RELCH: variants seen among roughly 807,000 people sequenced by gnomAD.
The protein encoded by RELCH is RAB11 binding and LisH domain, coiled-coil and HEAT repeat containing.
Under a neutral mutation model 150.3 loss-of-function variants are expected in RELCH, and 41 were observed. The observed-to-expected ratio is 0.27, with a 90% CI of 0.21 to 0.35. The LOEUF (loss-of-function observed/expected upper bound fraction) is 0.35. RELCH is among the 10% of genes least tolerant of loss of function. The probability of loss-of-function intolerance (pLI) is 1.00; values close to 1 mark genes in which losing one functional copy is unlikely to be tolerated. For synonymous variants in RELCH, 478 were observed against 531.8 expected (o/e 0.90, Z 1.39); for missense variants, 1,092 against 1,467.8 (o/e 0.74, Z 4.18).
intron 2 of RELCH, among the ~76,000 whole-genome samples, chr18:62,215,963 T>A (rs1345815538): frequency 6.6e-6 from 1 of 152,188 alleles, no homozygotes; most frequent in Non-Finnish European, 1.5e-5. Flanking sequence ...GAAGCATACA[T>A]TTTTATATAA....
intron 13 of RELCH, among the ~76,000 whole-genome samples, chr18:62,255,816 A>G (rs1401715031): frequency 6.6e-6 from 1 of 152,012 alleles, no homozygotes; most frequent in Admixed American, 6.6e-5. Flanking sequence ...TGTCTCTTTC[A>G]CTGTGTTGAA....
intron 20 of RELCH, 36 bp from the exon 21 acceptor site, chr18:62,273,944 G>T: frequency 7.8e-7 from 1 of 1,282,078 alleles, no homozygotes; most frequent in East Asian, 2.3e-5. Context: ...CTACTTGATT[G>T]TTTGGAAATT....
Position 62,258,631 on chromosome 18 carries a change from T to C in RELCH, c.2157T>C (p.Ser719=). 6.3e-7 allele frequency: 1 copy of C among 1,598,076 alleles called. No homozygotes were observed. Among genetic ancestry groups the C allele is most frequent in the Non-Finnish European group, 8.5e-7 (1 of 1,175,298 alleles). Residue 719 remains serine (S), a synonymous_variant, in exon 15 of 29, where the codon TCT becomes TCC. Transcript: ENST00000644646. The part of the protein sequence containing the change: ...AWTTELGNLQ[S]HLILTLLNKI... ...CTACAGAACTTGGAAATTTACAGTC[T>C]CATCTTATACTTACACTACTGAACA...
At chr18:62,243,050 G>C (rs2042229262) in intron 10 of RELCH, among the ~76,000 whole-genome samples, 1 of 152,052 alleles carries the variant, frequency 6.6e-6, no homozygotes, top group Non-Finnish European at 1.5e-5. Flanking sequence ...TGGTTTTCAG[G>C]CATTAGAATA....
intron 25 of RELCH, among the ~76,000 whole-genome samples, chr18:62,286,545 G>C (rs758851438): frequency 2.0e-5 from 3 of 152,000 alleles, no homozygotes; most frequent in Non-Finnish European, 4.4e-5. Flanking sequence ...TTGGTCAGCA[G>C]TTGATGCTTA....
intron 10 of RELCH, among the ~76,000 whole-genome samples, chr18:62,233,539 G>C (rs1000441239): frequency 1.3e-5 from 2 of 151,920 alleles, no homozygotes; most frequent in Non-Finnish European, 2.9e-5. Flanking sequence ...GTTTTCCACT[G>C]ATGGCTTTAT....
intron 28 of RELCH, among the ~76,000 whole-genome samples, chr18:62,304,837 A>C (rs1304662645): frequency 6.6e-6 from 1 of 152,246 alleles, no homozygotes; most frequent in Non-Finnish European, 1.5e-5. Flanking sequence ...AAATCAATGC[A>C]ACTGGCAATT....
At chr18:62,252,343 C>T (rs940008817) in intron 11 of RELCH, among the ~76,000 whole-genome samples, 10 of 151,598 alleles carry the variant, frequency 6.6e-5, no homozygotes, top group African/African-American at 2.2e-4. Flanking sequence ...CATGGTGAAA[C>T]GCCGTCTCTA....
At chr18:62,253,662 C>T (rs948531000) in intron 12 of RELCH, among the ~76,000 whole-genome samples, 3 of 152,038 alleles carry the variant, frequency 2.0e-5, no homozygotes, top group Non-Finnish European at 4.4e-5. Flanking sequence ...GTCCTATTCC[C>T]AAGTTCTTTG....
intron 2 of RELCH, among the ~76,000 whole-genome samples, chr18:62,215,880 G>C (rs1431071797): frequency 1.3e-5 from 2 of 152,148 alleles, no homozygotes; most frequent in East Asian, 3.9e-4. Flanking sequence ...ATTTCACAGA[G>C]CCATTTTCTT....
At chr18:62,188,609 A>C (rs2038346321) in intron 1 of RELCH, among the ~76,000 whole-genome samples, 1 of 152,218 alleles carries the variant, frequency 6.6e-6, no homozygotes, top group Non-Finnish European at 1.5e-5. Context: ...CAATGCCTTA[A>C]TTTAAGTAAT....
intron 25 of RELCH, among the ~76,000 whole-genome samples, chr18:62,285,254 C>T (rs1439313939): frequency 1.3e-5 from 2 of 152,134 alleles, no homozygotes; most frequent in African/African-American, 4.8e-5. Context: ...TCTCCTGCCT[C>T]AGCCTCCCGA....
intron 10 of RELCH, among the ~76,000 whole-genome samples, chr18:62,244,195 A>C (rs1283131366): frequency 6.6e-6 from 1 of 152,148 alleles, no homozygotes; most frequent in Non-Finnish European, 1.5e-5. Context: ...ATATTGTTAA[A>C]ATTTTGTATT....
intron 11 of RELCH, among the ~76,000 whole-genome samples, chr18:62,252,189 C>T (rs188902313): frequency 0.023 from 3,412 of 146,366 alleles, 43 homozygotes; most frequent in Middle Eastern, 0.084. Flanking sequence ...TTAGTAGAGA[C>T]GGGGTTTCAC....
Position 62,279,816 on chromosome 18 carries a change from G to A in RELCH, c.3010G>A (p.Val1004Ile). Residue 1004 changes from valine to isoleucine, a missense_variant, in exon 23 of 29, where the codon GTT becomes ATT. By Grantham distance (29) the Val-to-Ile change is conservative (BLOSUM62 3). Coordinates refer to ENST00000644646, the MANE Select transcript of RELCH (RefSeq NM_001346231.2). The part of the protein sequence containing the change: ...GVNETLVAQR[V>I]VPALITLSSD... ...GAATGAAACTCTGGTAGCTCAGAGG[G>A]TTGTTCCTGCTCTCATTACTCTCTC... 1 of 1,535,808 alleles carries A rather than the reference G, an allele frequency of 6.5e-7. No individual in the cohort carries two copies. The highest frequency in any genetic ancestry group is 8.7e-7 in the Non-Finnish European group (1 of 1,146,718).
At position 62,308,984 on chromosome 18, in the gene RELCH, A is replaced by G. The variant is rs11662987; in HGVS notation, c.*3450A>G. ...GCCGGGCACGGTGGCTCATGCCTGT[A>G]ATACCAGCACTTTGGGAGGCTGAGG... On this transcript the variant is annotated 3_prime_UTR_variant, in exon 29 of 29. Transcript: ENST00000644646. The G allele has an allele frequency of 0.078, 11,916 of 152,296 alleles. 579 individuals carry two copies. The highest frequency in any genetic ancestry group is 0.18 in the South Asian group (865 of 4,814). 9.4% of individuals were successfully genotyped at this position (152,296 alleles called of 1,614,324 possible). A position where few individuals can be genotyped will look rare whatever the true frequency, so the allele number is the denominator to read the frequency against.
intron 2 of RELCH, among the ~76,000 whole-genome samples, chr18:62,211,638 C>T (rs1022183343): frequency 2.6e-5 from 4 of 151,934 alleles, no homozygotes; most frequent in Non-Finnish European, 4.4e-5. Context: ...GGTTTTGAAC[C>T]AGGCATGGTG....
chr18:62,277,925 A>C, intron 22 of RELCH: 1 of 836,742 alleles, frequency 1.2e-6, no homozygotes, highest in Non-Finnish European at 1.4e-6. Context: ...GAGGTCATGG[A>C]CTTTAAGTCA....
At chr18:62,283,669 T>C (rs569498316) in intron 25 of RELCH, among the ~76,000 whole-genome samples, 1 of 152,294 alleles carries the variant, frequency 6.6e-6, no homozygotes, top group South Asian at 2.1e-4. Flanking sequence ...GTCTTTATAA[T>C]TAGCCAACTA....
Sources: gnomAD v4.1 joint callset for allele counts (sites outside exome capture counted in the v4.1 genomes callset) on GRCh38, gnomAD v4.1.1 for gene constraint, MANE v1.5 for transcripts, NCBI Gene and HGNC (gene_info 2026-07-23, HGNC 2026-07-21) for gene names.